The following CTNND2 variants were observed in gnomAD, a reference collection of about 807,000 sequenced individuals.
The protein encoded by CTNND2 is catenin delta 2.
CTNND2 carries 22 observed loss-of-function variants against 144.4 expected under a neutral mutation model. The observed-to-expected ratio is 0.15, with a 90% CI of 0.11 to 0.22. CTNND2 has a LOEUF of 0.22. Ranked by LOEUF, CTNND2 falls within the 10% of genes least tolerant of loss-of-function variation. The pLI is 1.00. For missense variants in CTNND2, 1,353 were observed against 1,618.8 expected, an observed-to-expected ratio of 0.84 and a Z score of 2.82; for synonymous variants, 751 against 695.6, an observed-to-expected ratio of 1.08 and a Z score of -1.25.
chr5:11,606,580 G>C (rs976438445), intron 2 of CTNND2, among the ~76,000 whole-genome samples: 29 of 152,126 alleles, frequency 1.9e-4, no homozygotes, highest in African/African-American at 6.8e-4. Flanking sequence ...CGTGAAGCTT[G>C]AGATATCTTA....
intron 2 of CTNND2, among the ~76,000 whole-genome samples, chr5:11,677,147 C>A (rs1784212676): frequency 1.3e-5 from 2 of 152,320 alleles, no homozygotes; most frequent in South Asian, 4.1e-4. Context: ...AGCAAACCAA[C>A]TTAAGAGTCT....
intron 12 of CTNND2, among the ~76,000 whole-genome samples, chr5:11,128,769 T>TAAA (rs1322318439): frequency 9.3e-5 from 3 of 32,170 alleles, no homozygotes; most frequent in African/African-American, 2.1e-4. Flanking sequence ...AATATATATA[T>TAAA]TATATATAAA....
Position 11,565,032 on chromosome 5 carries a change from G to T in CTNND2, c.199C>A (p.Arg67=), listed in dbSNP as rs1027521829. ...EQELQFERLT[R]ELEAERQIVA... ...ATCTGCCGTTCAGCCTCCAGCTCTC[G>T]GGTCAGCCTTTCAAACTGTAATTCC... Residue 67 remains arginine, a synonymous_variant, in exon 3 of 22, where the codon CGA becomes AGA. Coordinates refer to ENST00000304623, the MANE Select transcript of CTNND2 (RefSeq NM_001332.4). 1 of 1,613,882 alleles carries T rather than the reference G, an allele frequency of 6.2e-7. No individual in the cohort carries two copies. The highest frequency in any genetic ancestry group is 8.5e-7 in the Non-Finnish European group (1 of 1,179,812).
At chr5:11,741,246 C>T (rs1005899377) in intron 1 of CTNND2, among the ~76,000 whole-genome samples, 5 of 152,094 alleles carry the variant, frequency 3.3e-5, no homozygotes, top group African/African-American at 1.2e-4. Context: ...ATAAATCATT[C>T]TACTATAAAG....
intron 3 of CTNND2, among the ~76,000 whole-genome samples, chr5:11,504,300 T>C (rs1245078617): frequency 2.0e-5 from 3 of 152,244 alleles, no homozygotes; most frequent in African/African-American, 7.2e-5. Flanking sequence ...ATGACGACGA[T>C]GACTCAGCGT....
chr5:11,625,602 T>C (rs1391639120), intron 2 of CTNND2, among the ~76,000 whole-genome samples: 1 of 152,078 alleles, frequency 6.6e-6, no homozygotes, highest in Non-Finnish European at 1.5e-5. Context: ...TAAAAATGGA[T>C]ATACAGTATT....
intron 16 of CTNND2, among the ~76,000 whole-genome samples, chr5:11,054,592 C>T (rs1381227430): frequency 6.6e-6 from 1 of 152,016 alleles, no homozygotes; most frequent in Non-Finnish European, 1.5e-5. Context: ...CCACGCTTGC[C>T]TCCCATCGTT....
rs547353282 is a variant in CTNND2, at chr5:11,806,476, T to C, written c.38-74204A>G. Among the ~76,000 whole-genome samples the C allele has an allele frequency of 4.6e-5, 7 of 152,328 alleles. No homozygotes were observed. In the South Asian group the frequency reaches 1.2e-3, roughly 27 times the overall value. On this transcript the variant is annotated intron_variant, in intron 1 of 21. Coordinates refer to ENST00000304623, the MANE Select transcript of CTNND2 (RefSeq NM_001332.4). ...TGATCAGAGATGTCATAGTATCTAATTTACATTTAATAAGGTAGAATATAT... is the reference window on the plus strand; with the variant it reads ...TGATCAGAGATGTCATAGTATCTAACTTACATTTAATAAGGTAGAATATAT...
chr5:11,794,413 G>T (rs193201535), intron 1 of CTNND2, among the ~76,000 whole-genome samples: 1 of 152,294 alleles, frequency 6.6e-6, no homozygotes, highest in East Asian at 1.9e-4. Context: ...GTGATAAATT[G>T]TGTGCGCAGA....
chr5:11,377,876 T>C (rs1055907491), intron 7 of CTNND2, among the ~76,000 whole-genome samples: 4 of 152,192 alleles, frequency 2.6e-5, no homozygotes, highest in Admixed American at 6.5e-5. Flanking sequence ...AGAGGTGCTA[T>C]ATCAAATGAA....
At chr5:11,388,835 G>C (rs1479120346) in intron 6 of CTNND2, among the ~76,000 whole-genome samples, 1 of 152,160 alleles carries the variant, frequency 6.6e-6, no homozygotes, top group Non-Finnish European at 1.5e-5. Context: ...ATTCACTTTA[G>C]TGTCACAAGA....
At chr5:11,139,374 G>T (rs1045249542) in intron 12 of CTNND2, among the ~76,000 whole-genome samples, 6 of 152,210 alleles carry the variant, frequency 3.9e-5, no homozygotes, top group Non-Finnish European at 5.9e-5. Context: ...GTGAAAGCAC[G>T]CTGACAGTGG....
In CTNND2 at chr5:10,980,428, A is replaced by C. The variant is rs1221646694; in HGVS notation, c.3417+1345T>G. On this transcript the variant is annotated intron_variant, in intron 21 of 21. Coordinates refer to ENST00000304623, the MANE Select transcript of CTNND2 (RefSeq NM_001332.4). ...CTGGAGAGGATGTGGAGAAATAGGAACGCTTTTACACTGTTGGTGGGAGTG... is the reference window on the plus strand; with the variant it reads ...CTGGAGAGGATGTGGAGAAATAGGACCGCTTTTACACTGTTGGTGGGAGTG... Among the ~76,000 whole-genome samples the C allele has an allele frequency of 2.6e-5, 4 of 152,224 alleles. No homozygotes were observed. The East Asian group carries it at 7.7e-4, about 29-fold the overall frequency.
intron 3 of CTNND2, among the ~76,000 whole-genome samples, chr5:11,455,402 A>G (rs1045882692): frequency 2.0e-5 from 3 of 152,216 alleles, no homozygotes; most frequent in Admixed American, 6.5e-5. Flanking sequence ...TGCATACACT[A>G]TGATCATGAT....
At chr5:11,342,589 G>C (rs1185602349) in intron 9 of CTNND2, among the ~76,000 whole-genome samples, 1 of 152,148 alleles carries the variant, frequency 6.6e-6, no homozygotes, top group East Asian at 1.9e-4. Context: ...CTCAAAAAGG[G>C]ATTAATCAAA....
intron 16 of CTNND2, among the ~76,000 whole-genome samples, chr5:11,057,764 G>C (rs1746493424): frequency 1.3e-5 from 2 of 152,180 alleles, no homozygotes; most frequent in Non-Finnish European, 2.9e-5. Context: ...GGAAAGTTTG[G>C]AACTTCCTAG....
At chr5:11,790,495 C>T (rs1424864517) in intron 1 of CTNND2, among the ~76,000 whole-genome samples, 1 of 152,052 alleles carries the variant, frequency 6.6e-6, no homozygotes, top group Non-Finnish European at 1.5e-5. Context: ...GAACATAATT[C>T]CTACGTTATA....
At chr5:11,136,782 G>A (rs1255030840) in intron 12 of CTNND2, among the ~76,000 whole-genome samples, 4 of 152,172 alleles carry the variant, frequency 2.6e-5, no homozygotes, top group Non-Finnish European at 5.9e-5. Context: ...AATATATATC[G>A]AAGCACAAGT....
chr5:11,107,168 A>G (rs1437541548), intron 14 of CTNND2, among the ~76,000 whole-genome samples: 1 of 152,130 alleles, frequency 6.6e-6, no homozygotes, highest in East Asian at 1.9e-4. Context: ...ATCTCTCTAG[A>G]AGGAGGCACG....
Sources: gnomAD v4.1 joint callset for allele counts (sites outside exome capture counted in the v4.1 genomes callset) on GRCh38, gnomAD v4.1.1 for gene constraint, MANE v1.5 for transcripts, NCBI Gene and HGNC (gene_info 2026-07-23, HGNC 2026-07-21) for gene names.